The following RORB variants were observed in gnomAD, a reference collection of about 807,000 sequenced individuals.
RORB encodes nuclear receptor ROR-beta.
RORB carries 6 observed loss-of-function variants against 59.1 expected under a neutral mutation model. The observed-to-expected ratio is 0.10, with a 90% CI of 0.06 to 0.20. RORB has a LOEUF of 0.20. Ranked by LOEUF, RORB falls within the 10% of genes least tolerant of loss-of-function variation. RORB has a pLI of 1.00. For synonymous variants in RORB, 215 were observed against 204.5 expected (o/e 1.05, Z -0.44); for missense variants, 320 against 560.5 (o/e 0.57, Z 4.33).
At chr9:74,665,848 GAAAT>G (rs1357216110) in intron 7 of RORB, among the ~76,000 whole-genome samples, 24 of 152,316 alleles carry the variant, frequency 1.6e-4, no homozygotes, top group Admixed American at 1.6e-3. Context: ...CGTTCATTCA[GAAAT>G]AAATGGAGGC....
chr9:74,587,804 T>C (rs1426632472), intron 1 of RORB, among the ~76,000 whole-genome samples: 1 of 152,178 alleles, frequency 6.6e-6, no homozygotes, highest in Non-Finnish European at 1.5e-5. Context: ...ACTCTCAGGA[T>C]TGCTATTGTC....
intron 8 of RORB, among the ~76,000 whole-genome samples, chr9:74,668,561 C>A (rs1229993741): frequency 6.6e-6 from 1 of 152,124 alleles, no homozygotes; most frequent in Non-Finnish European, 1.5e-5. Flanking sequence ...CATAAACAGT[C>A]GATTGACACA....
At position 74,526,948 on chromosome 9, in the gene RORB, A is replaced by G. The variant is rs1826163162; in HGVS notation, c.7+28965A>G. Among the ~76,000 whole-genome samples, 3 of 151,970 alleles carry G rather than the reference A, an allele frequency of 2.0e-5. No homozygotes were observed. In the South Asian group the frequency reaches 6.2e-4, roughly 31 times the overall value. On this transcript the variant is annotated intron_variant, in intron 1 of 9. Coordinates refer to ENST00000376896, the MANE Select transcript of RORB (RefSeq NM_006914.4). ...GCCTTTCAGGGAGGTTTACAAACAT[A>G]AGCCTTCCTGAATGGAACGTTGGGA...
intron 4 of RORB, among the ~76,000 whole-genome samples, chr9:74,645,927 G>C (rs1372337732): frequency 6.6e-6 from 1 of 152,054 alleles, no homozygotes; most frequent in Non-Finnish European, 1.5e-5. Flanking sequence ...TTTGGTGTTT[G>C]CTGCCTACCT....
intron 1 of RORB, among the ~76,000 whole-genome samples, chr9:74,554,007 A>G (rs1826652091): frequency 6.6e-6 from 1 of 152,180 alleles, no homozygotes; most frequent in Non-Finnish European, 1.5e-5. Flanking sequence ...GTTAATTTCC[A>G]ATTAACAGTT....
intron 1 of RORB, among the ~76,000 whole-genome samples, chr9:74,520,462 A>T (rs991407864): frequency 6.6e-6 from 1 of 151,846 alleles, no homozygotes; most frequent in African/African-American, 2.4e-5. Flanking sequence ...ACTCCTCTTC[A>T]TCTGTTTCCT....
At chr9:74,684,806 G>C (rs914523544) in intron 9 of RORB, among the ~76,000 whole-genome samples, 1 of 152,148 alleles carries the variant, frequency 6.6e-6, no homozygotes, top group Non-Finnish European at 1.5e-5. Flanking sequence ...CTCTACAAGT[G>C]GGTTAGTGAG....
At chr9:74,614,724 C>T (rs1371839453) in intron 1 of RORB, among the ~76,000 whole-genome samples, 1 of 151,980 alleles carries the variant, frequency 6.6e-6, no homozygotes, top group Non-Finnish European at 1.5e-5. Flanking sequence ...AACTGAGCAA[C>T]TCTAAGTAAA....
chr9:74,608,571 A>AG (rs1823185902), intron 1 of RORB, among the ~76,000 whole-genome samples: 1 of 150,800 alleles, frequency 6.6e-6, no homozygotes, highest in Non-Finnish European at 1.5e-5. Context: ...CTCAAAAAAA[A>AG]AAAAAAAAAA....
chr9:74,669,902 G>C (rs1824322418), intron 8 of RORB, among the ~76,000 whole-genome samples: 1 of 152,122 alleles, frequency 6.6e-6, no homozygotes, highest in South Asian at 2.1e-4. Context: ...TTTATGTTAG[G>C]CTTTATTATT....
intron 1 of RORB, among the ~76,000 whole-genome samples, chr9:74,530,651 C>A (rs145406804): frequency 4.6e-5 from 7 of 151,942 alleles, no homozygotes; most frequent in Non-Finnish European, 7.4e-5. Flanking sequence ...TTGATCCTTC[C>A]ACGCTGTCCT....
At chr9:74,537,544 AT>A (rs747209293) in intron 1 of RORB, among the ~76,000 whole-genome samples, 15 of 152,068 alleles carry the variant, frequency 9.9e-5, no homozygotes, top group Non-Finnish European at 2.2e-4. Context: ...CACAAATAAC[AT>A]TTAATTTTAT....
chr9:74,642,688 T>C lies in RORB; in HGVS notation c.510T>C (p.Leu170=). 6.2e-7 allele frequency: 1 copy of C among 1,614,182 alleles called. No individual in the cohort carries two copies. The highest frequency in any genetic ancestry group is 2.2e-5 in the East Asian group (1 of 44,874). ...AGCCGTCCCCTGATCAGTCAGGACT[T>C]GACATGACTGGAATCAAACAGATAA... is the stretch of plus-strand genomic sequence containing the variant. ...SGQPSPDQSG[L]DMTGIKQIKQ... Residue 170 remains leucine, a synonymous_variant, in exon 4 of 10, where the codon CTT becomes CTC. Transcript: ENST00000376896.
intron 1 of RORB, among the ~76,000 whole-genome samples, chr9:74,602,401 G>T (rs961547535): frequency 1.3e-5 from 2 of 152,124 alleles, no homozygotes; most frequent in African/African-American, 4.8e-5. Context: ...ATACCTTTTG[G>T]CACTGTGTTT....
chr9:74,540,338 C>A (rs1256846446), intron 1 of RORB, among the ~76,000 whole-genome samples: 3 of 152,096 alleles, frequency 2.0e-5, no homozygotes, highest in African/African-American at 4.8e-5. Flanking sequence ...AGCTGTGTAA[C>A]CTCAGTCACA....
Position 74,689,400 on chromosome 9 carries a change from T to A in RORB, c.*3782T>A, listed in dbSNP as rs2118592528. 1 of 152,334 alleles carries A rather than the reference T, an allele frequency of 6.6e-6. No homozygotes were observed. Among genetic ancestry groups the A allele is most frequent in the South Asian group, 2.1e-4 (1 of 4,822 alleles). 9.4% of individuals were successfully genotyped at this position (152,334 alleles called of 1,614,324 possible). A position where few individuals can be genotyped will look rare whatever the true frequency, so the allele number is the denominator to read the frequency against. On this transcript the variant is annotated 3_prime_UTR_variant, in exon 10 of 10. Coordinates refer to ENST00000376896, the MANE Select transcript of RORB (RefSeq NM_006914.4). ...ATTACAGGCCTGAGCCACTGCGCCCTGCCTTCAGTGGCTCTTTTATCCCCC... is the reference window on the plus strand; with the variant it reads ...ATTACAGGCCTGAGCCACTGCGCCCAGCCTTCAGTGGCTCTTTTATCCCCC...
intron 1 of RORB, among the ~76,000 whole-genome samples, chr9:74,575,178 C>A (rs142991756): frequency 1.3e-5 from 2 of 152,184 alleles, no homozygotes; most frequent in Admixed American, 6.5e-5. Context: ...AGACGTGTAA[C>A]AAATCACATT....
At chr9:74,665,721 G>A (rs567898290) in intron 7 of RORB, 126 bp downstream of exon 7, 28 of 626,772 alleles carry the variant, frequency 4.5e-5, no homozygotes, top group East Asian at 3.1e-4. Context: ...TTCGATAAGC[G>A]ATGGACCAGG....
At chr9:74,606,241 G>A (rs1420591777) in intron 1 of RORB, among the ~76,000 whole-genome samples, 1 of 152,184 alleles carries the variant, frequency 6.6e-6, no homozygotes, top group African/African-American at 2.4e-5. Flanking sequence ...ATCAGAAAAT[G>A]AAGACAATGA....
Sources: gnomAD v4.1 joint callset for allele counts (sites outside exome capture counted in the v4.1 genomes callset) on GRCh38, gnomAD v4.1.1 for gene constraint, MANE v1.5 for transcripts, NCBI Gene and HGNC (gene_info 2026-07-23, HGNC 2026-07-21) for gene names.